EXPH5: variants seen among roughly 807,000 people sequenced by gnomAD.
The protein encoded by EXPH5 is exophilin-5.
Under a neutral mutation model 41.1 loss-of-function variants are expected in EXPH5, and 42 were observed. The ratio of observed to expected loss-of-function variants is 1.02; its 90% confidence interval spans 0.80 to 1.32. EXPH5 has a LOEUF of 1.32. EXPH5 is among the 40% of genes most tolerant of loss of function. The pLI is 0.00. For missense variants in EXPH5, 2,298 were observed against 2,314.5 expected (o/e 0.99, Z 0.15); for synonymous variants, 798 against 833.5 (o/e 0.96, Z 0.73).
At chr11:108,532,169 C>T (rs1009909154) in intron 3 of EXPH5, among the ~76,000 whole-genome samples, 4 of 148,892 alleles carry the variant, frequency 2.7e-5, no homozygotes, top group African/African-American at 9.9e-5. Context: ...TAGATCCCTT[C>T]TGCCATAGAG....
the EXPH5 span, among the ~76,000 whole-genome samples, chr11:108,601,244 T>C: frequency 1.3e-5 from 2 of 152,362 alleles, no homozygotes; most frequent in East Asian, 1.9e-4. Context: ...ATTAACTGTA[T>C]GTTTTAATAC....
In EXPH5 at chr11:108,561,748, C is replaced by G. The variant is rs1203640547; in HGVS notation, c.120-19936G>C. Among the ~76,000 whole-genome samples, 6 of 152,158 alleles carry G rather than the reference C, an allele frequency of 3.9e-5. No homozygotes were observed. In the East Asian group the frequency reaches 1.2e-3, roughly 29 times the overall value. On this transcript the variant is annotated intron_variant, in intron 1 of 5. Transcript: ENST00000265843. ...AAATCATAATGCCAAGTAAGACAAACTAAAGTGACATGGCTAAGAGACACA... is the reference window on the plus strand; with the variant it reads ...AAATCATAATGCCAAGTAAGACAAAGTAAAGTGACATGGCTAAGAGACACA...
At chr11:108,578,300 C>T (rs758048635) in intron 1 of EXPH5, among the ~76,000 whole-genome samples, 1 of 152,124 alleles carries the variant, frequency 6.6e-6, no homozygotes, top group African/African-American at 2.4e-5. Flanking sequence ...GGATCCTTTC[C>T]CCATTGTATA....
At position 108,509,506 on chromosome 11, in the gene EXPH5, G is replaced by A; in HGVS notation, c.*31C>T. 1 of 1,524,468 alleles carries A rather than the reference G, an allele frequency of 6.6e-7. No homozygotes were observed. Among genetic ancestry groups the A allele is most frequent in the Non-Finnish European group, 8.8e-7 (1 of 1,140,798 alleles). The allele number at this position is 1,524,468 out of a possible 1,614,324, so 94.4% of individuals were successfully genotyped here. ...CTTAGTTCCATTATAAGCTTTTGGT[G>A]AAAAAAGTAAAGCATTTTATTGAAA... On this transcript the variant is annotated 3_prime_UTR_variant, in exon 6 of 6. Coordinates refer to ENST00000265843, the MANE Select transcript of EXPH5 (RefSeq NM_015065.3).
chr11:108,541,960 C>G, intron 1 of EXPH5, 148 bp from the exon 2 acceptor site: 1 of 599,322 alleles, frequency 1.7e-6, no homozygotes, highest in South Asian at 2.4e-5. Flanking sequence ...TCACTGCAAC[C>G]TTCACCTCCT....
chr11:108,547,180 AT>A (rs997511852), intron 1 of EXPH5, among the ~76,000 whole-genome samples: 1 of 151,714 alleles, frequency 6.6e-6, no homozygotes, highest in Non-Finnish European at 1.5e-5. Flanking sequence ...CATTTTTGTG[AT>A]TTTTTTTAAA....
At chr11:108,534,838 T>A (rs1408740525) in intron 3 of EXPH5, among the ~76,000 whole-genome samples, 6 of 152,292 alleles carry the variant, frequency 3.9e-5, no homozygotes, top group Middle Eastern at 6.8e-3. Context: ...TTGCTGGAAA[T>A]TGCCATAAGA....
the EXPH5 span, among the ~76,000 whole-genome samples, chr11:108,602,326 A>G: frequency 5.9e-5 from 9 of 152,022 alleles, no homozygotes; most frequent in African/African-American, 2.2e-4. Flanking sequence ...GCTGTTCTTT[A>G]CCTCTCTATT....
At chr11:108,599,113 G>T in the EXPH5 span, among the ~76,000 whole-genome samples, 7 of 152,040 alleles carry the variant, frequency 4.6e-5, no homozygotes, top group African/African-American at 1.7e-4. Flanking sequence ...CACCTGGCTG[G>T]CTTCTGGGAT....
chr11:108,510,198 A>G lies in EXPH5; in HGVS notation c.5309T>C (p.Leu1770Pro). 1 of 1,614,090 alleles carries G rather than the reference A, an allele frequency of 6.2e-7. No homozygotes were observed. The change falls in exon 6 of 6, where the codon CTG becomes CCG. Residue 1770 changes from leucine to proline, a missense_variant. Leu to Pro is a moderately conservative substitution (Grantham distance 98). Coordinates refer to ENST00000265843, the MANE Select transcript of EXPH5 (RefSeq NM_015065.3). ...CCTTTGTTGCTGCAGAAAACTGGCC[A>G]GTGGACTGCTTACTCTAGATTTCTG... is the stretch of plus-strand genomic sequence containing the variant. ...PAQKSRVSSP[L>P]ASFLQQQRSA...
rs756471013 is a variant in EXPH5 at position 108,510,231 on chromosome 11, T to A, written c.5276A>T (p.Glu1759Val). ...GCTTACTCTAGATTTCTGTGCAGGC[T>A]CCAGTGGAAAAGGAGGGCTCAGCCT... ...QRRLSPPFPL[E>V]PAQKSRVSSP... The change falls in exon 6 of 6, where the codon GAG (glutamate) becomes GTG (valine). Residue 1759 changes from glutamate to valine, a missense_variant. Glu to Val is a moderately radical substitution (Grantham distance 121). Coordinates refer to ENST00000265843, the MANE Select transcript of EXPH5 (RefSeq NM_015065.3). 1.2e-6 allele frequency: 2 copies of A among 1,613,706 alleles called. No homozygotes were observed. The highest frequency in any genetic ancestry group is 1.7e-5 in the Admixed American group (1 of 59,954).
chr11:108,555,810 C>T (rs544252907), intron 1 of EXPH5, among the ~76,000 whole-genome samples: 89 of 152,176 alleles, frequency 5.8e-4, no homozygotes, highest in Non-Finnish European at 1.1e-3. Context: ...TGTTTGCTTT[C>T]CCTTCCCATT....
the EXPH5 span, among the ~76,000 whole-genome samples, chr11:108,606,904 A>T: frequency 1.6e-4 from 24 of 152,200 alleles, no homozygotes; most frequent in Non-Finnish European, 3.5e-4. Context: ...ACCATTGAGA[A>T]CATTTCTATT....
In EXPH5 at chr11:108,510,546, A is replaced by G. The variant is rs2093672004; in HGVS notation, c.4961T>C (p.Ile1654Thr). ...GTTCTCACTCAACCTGCTTTCGCCAATGGACTCTGCAGATTTTGGAGTAGG... is the reference window on the plus strand; with the variant it reads ...GTTCTCACTCAACCTGCTTTCGCCAGTGGACTCTGCAGATTTTGGAGTAGG... ...PEPTPKSAES[I>T]GESRLSENGK... The change falls in exon 6 of 6, where the codon ATT (isoleucine) becomes ACT (threonine). Residue 1654 changes from isoleucine to threonine, a missense_variant. By Grantham distance (89) the Ile-to-Thr change is moderately conservative. Transcript: ENST00000265843. The G allele has an allele frequency of 1.2e-6, 2 of 1,614,136 alleles. No homozygotes were observed. The highest frequency in any genetic ancestry group is 8.5e-7 in the Non-Finnish European group (1 of 1,180,010).
intron 1 of EXPH5, among the ~76,000 whole-genome samples, chr11:108,573,881 CA>C (rs1252237604): frequency 6.6e-6 from 1 of 151,914 alleles, no homozygotes; most frequent in Non-Finnish European, 1.5e-5. Flanking sequence ...CTTGTCTTTA[CA>C]AAAAGATTTT....
At chr11:108,558,862 T>C (rs2094000454) in intron 1 of EXPH5, among the ~76,000 whole-genome samples, 1 of 152,182 alleles carries the variant, frequency 6.6e-6, no homozygotes, top group African/African-American at 2.4e-5. Flanking sequence ...ACCTAGATTA[T>C]TTCATTTAAT....
intron 1 of EXPH5, among the ~76,000 whole-genome samples, chr11:108,592,868 C>A (rs991740358): frequency 6.6e-6 from 1 of 152,244 alleles, no homozygotes; most frequent in African/African-American, 2.4e-5. Context: ...GGGTGGGGAC[C>A]TTTCGCCTCC....
chr11:108,531,815 G>T (rs1001269904), intron 3 of EXPH5, among the ~76,000 whole-genome samples: 1 of 152,126 alleles, frequency 6.6e-6, no homozygotes, highest in Non-Finnish European at 1.5e-5. Flanking sequence ...TCCTTCCCTC[G>T]CAGTCCTTCC....
intron 1 of EXPH5, among the ~76,000 whole-genome samples, chr11:108,566,318 G>A (rs1442262367): frequency 1.3e-5 from 2 of 152,192 alleles, no homozygotes; most frequent in African/African-American, 2.4e-5. Context: ...CAATGGATGA[G>A]TGGATAATAT....
Sources: gnomAD v4.1 joint callset for allele counts (sites outside exome capture counted in the v4.1 genomes callset) on GRCh38, gnomAD v4.1.1 for gene constraint, MANE v1.5 for transcripts, NCBI Gene and HGNC (gene_info 2026-07-23, HGNC 2026-07-21) for gene names.